AGMO: variants seen among roughly 807,000 people sequenced by gnomAD.
The protein encoded by AGMO is alkylglycerol monooxygenase, also known as glyceryl-ether monooxygenase.
A neutral mutation model predicts 60.2 loss-of-function variants in AGMO; 75 were observed. That is an observed-to-expected ratio of 1.25 (90% CI 1.03 to 1.51). AGMO has a LOEUF of 1.51. Ranked by LOEUF, AGMO falls within the 40% of genes most tolerant of loss-of-function variation. AGMO has a pLI of 0.00. For synonymous variants in AGMO, 261 were observed against 177.1 expected (o/e 1.47, Z -3.76); for missense variants, 763 against 525.5 (o/e 1.45, Z -4.42).
At chr7:15,358,951 C>G (rs1223574443) in intron 12 of AGMO, among the ~76,000 whole-genome samples, 4 of 152,188 alleles carry the variant, frequency 2.6e-5, no homozygotes, top group Non-Finnish European at 5.9e-5. Context: ...TAAATATCCC[C>G]ATATTACTGG....
chr7:15,272,487 C>T (rs1783646247), intron 12 of AGMO, among the ~76,000 whole-genome samples: 1 of 151,964 alleles, frequency 6.6e-6, no homozygotes, highest in Non-Finnish European at 1.5e-5. Context: ...GCATAGTATT[C>T]CATGGTGTAT....
the AGMO span, among the ~76,000 whole-genome samples, chr7:15,135,128 A>G: frequency 6.6e-6 from 1 of 150,708 alleles, no homozygotes; most frequent in African/African-American, 2.4e-5. Context: ...GTGGAGAACA[A>G]TAACATAGCT....
chr7:15,129,447 A>G, the AGMO span, among the ~76,000 whole-genome samples: 16 of 152,274 alleles, frequency 1.1e-4, no homozygotes, highest in South Asian at 1.0e-3. Flanking sequence ...ACATTTAAAG[A>G]ATCTTTTTTG....
intron 3 of AGMO, among the ~76,000 whole-genome samples, chr7:15,509,371 C>CAAAAAAA (rs56841825): frequency 1.4e-5 from 2 of 145,704 alleles, no homozygotes; most frequent in East Asian, 3.9e-4. Context: ...GACCCACATG[C>CAAAAAAA]AAAAAAAAAA....
chr7:15,333,435 T>C (rs1781558501), intron 12 of AGMO, among the ~76,000 whole-genome samples: 1 of 151,996 alleles, frequency 6.6e-6, no homozygotes, highest in African/African-American at 2.4e-5. Context: ...ACCTTGATGA[T>C]TATTTTTTAC....
rs1375748229 is a variant in AGMO, at chr7:15,561,728, C to T, written c.118G>A (p.Val40Ile). Residue 40 changes from valine (V) to isoleucine (I), a missense_variant, in exon 1 of 13, where the codon GTA becomes ATA. Coordinates refer to ENST00000342526, the MANE Select transcript of AGMO (RefSeq NM_001004320.2). Reference sequence around the variant, plus strand: ...TTCCAATAAAGTCTCACCTTTTTTACATAATCAGGCACCTCTTCTAATGTT... The same window carrying T: ...TTCCAATAAAGTCTCACCTTTTTTATATAATCAGGCACCTCTTCTAATGTT... ...FQTLEEVPDY[V>I]KKATPFFISL... The T allele has an allele frequency of 3.7e-6, 6 of 1,603,116 alleles. No homozygotes were observed. The highest frequency in any genetic ancestry group is 5.1e-6 in the Non-Finnish European group (6 of 1,174,048).
chr7:15,481,939 C>G (rs1329024702), intron 3 of AGMO, among the ~76,000 whole-genome samples: 1 of 151,696 alleles, frequency 6.6e-6, no homozygotes, highest in East Asian at 1.9e-4. Flanking sequence ...AGAAATTAAG[C>G]AATGTAGTTG....
At chr7:15,368,214 G>A (rs915076206) in intron 10 of AGMO, among the ~76,000 whole-genome samples, 4 of 150,872 alleles carry the variant, frequency 2.7e-5, no homozygotes, top group East Asian at 1.9e-4. Flanking sequence ...TTAGACCAGA[G>A]CAAGAGAGTG....
Position 15,536,262 on chromosome 7 carries a change from A to G in AGMO, c.409+8510T>C, listed in dbSNP as rs139125793. On this transcript the variant is annotated intron_variant, in intron 3 of 12. Coordinates refer to ENST00000342526, the MANE Select transcript of AGMO (RefSeq NM_001004320.2). ...GCTCAAATCTCAGTTAATAAGTGTCAGTACAAAGAGTTGAACTCAGGGAAC... is the reference window on the plus strand; with the variant it reads ...GCTCAAATCTCAGTTAATAAGTGTCGGTACAAAGAGTTGAACTCAGGGAAC... Among the ~76,000 whole-genome samples the G allele has an allele frequency of 1.4e-3, 207 of 152,038 alleles. 3 individuals carry two copies. In the East Asian group the frequency reaches 0.031, roughly 23 times the overall value.
intron 5 of AGMO, 73 bp from the exon 6 acceptor site, chr7:15,394,252 T>G: frequency 8.9e-7 from 1 of 1,121,672 alleles, no homozygotes; most frequent in South Asian, 1.3e-5. Context: ...ATGCTCACAT[T>G]AGAAACTCAC....
chr7:15,152,434 C>G, the AGMO span, among the ~76,000 whole-genome samples: 3,155 of 152,122 alleles, frequency 0.021, 99 homozygotes, highest in African/African-American at 0.069. Context: ...TTGGTGCACC[C>G]ATCACCCAAG....
rs116625672 is a variant in AGMO at position 15,505,343 on chromosome 7, C to G, written c.409+39429G>C. On this transcript the variant is annotated intron_variant, in intron 3 of 12. Transcript: ENST00000342526. The stretch of plus-strand genomic sequence containing the variant: ...TAGCCAAGGTAGGATGAGACGGAGA[C>G]CTTGTATTCATGTAAGAGAATCCAA... 2.0e-3 allele frequency among the ~76,000 whole-genome samples: 305 copies of G among 152,030 alleles called. 1 individual carries two copies. The highest frequency in any genetic ancestry group is 6.5e-3 in the African/African-American group (268 of 41,510).
chr7:15,250,308 C>T (rs1045953775), intron 12 of AGMO, among the ~76,000 whole-genome samples: 1 of 152,080 alleles, frequency 6.6e-6, no homozygotes, highest in Non-Finnish European at 1.5e-5. Flanking sequence ...CAAGACTAGA[C>T]AATTAGTCTT....
At chr7:15,420,556 G>T (rs1277153593) in intron 4 of AGMO, among the ~76,000 whole-genome samples, 1 of 152,066 alleles carries the variant, frequency 6.6e-6, no homozygotes, top group Non-Finnish European at 1.5e-5. Flanking sequence ...AGAATCTAAT[G>T]ACACAATCAA....
chr7:15,294,957 AAAT>A (rs1483634128), intron 12 of AGMO, among the ~76,000 whole-genome samples: 1 of 151,792 alleles, frequency 6.6e-6, no homozygotes, highest in Non-Finnish European at 1.5e-5. Context: ...TGCCTAAATA[AAAT>A]AATAATTAAA....
rs536910597 is a variant in AGMO, at chr7:15,561,083, A to G, written c.126+637T>C. Among the ~76,000 whole-genome samples the G allele has an allele frequency of 9.6e-4, 146 of 151,996 alleles. 1 individual carries two copies. The highest frequency in any genetic ancestry group is 3.4e-3 in the Middle Eastern group (1 of 290). ...TATTCTATGATGTCATTTTTTTTCT[A>G]TTTCTGCCATGAACTAGTGAGTGTT... is the stretch of plus-strand genomic sequence containing the variant. On this transcript the variant is annotated intron_variant, in intron 1 of 12. Transcript: ENST00000342526.
chr7:15,201,265 GAATTATGTACA>G lies in AGMO; in HGVS notation c.*9_*19del. 6.4e-7 allele frequency: 1 copy of G among 1,573,482 alleles called. No homozygotes were observed. Among genetic ancestry groups the G allele is most frequent in the Non-Finnish European group, 8.7e-7 (1 of 1,150,234 alleles). On this transcript the variant is annotated 3_prime_UTR_variant, in exon 13 of 13. Coordinates refer to ENST00000342526, the MANE Select transcript of AGMO (RefSeq NM_001004320.2). ...GTGTGGACAACTCATTAAAAGAAGA[GAATTATGTACA>G]AATTCAGGTTATTTCCAAGGGTGAG...
At chr7:15,344,515 C>T (rs1438946068) in intron 12 of AGMO, among the ~76,000 whole-genome samples, 1 of 152,084 alleles carries the variant, frequency 6.6e-6, no homozygotes, top group Non-Finnish European at 1.5e-5. Flanking sequence ...GCCTGGGCAA[C>T]ATGACAAACC....
intron 3 of AGMO, among the ~76,000 whole-genome samples, chr7:15,503,329 T>G (rs1387449246): frequency 6.6e-6 from 1 of 151,910 alleles, no homozygotes; most frequent in Non-Finnish European, 1.5e-5. Flanking sequence ...ATGAAGAAAG[T>G]AGGATGAAAA....
Sources: allele counts gnomAD v4.1 joint callset (sites outside exome capture counted in the v4.1 genomes callset), GRCh38; gene constraint gnomAD v4.1.1; transcripts MANE v1.5; gene names NCBI Gene and HGNC (gene_info 2026-07-23, HGNC 2026-07-21).